NTRK2: variants seen among roughly 807,000 people sequenced by gnomAD.
The protein encoded by NTRK2 is neurotrophic receptor tyrosine kinase 2.
In NTRK2, 13 loss-of-function variants were observed where a neutral mutation model predicts 94.5. The observed-to-expected ratio is 0.14, with a 90% CI of 0.09 to 0.22. NTRK2 has a LOEUF of 0.22. Ranked by LOEUF, NTRK2 falls within the 10% of genes least tolerant of loss-of-function variation. The pLI, the probability that NTRK2 is intolerant of heterozygous loss-of-function variation, is 1.00. For missense variants in NTRK2, 639 were observed against 1,071.2 expected (o/e 0.60, Z 5.63); for synonymous variants, 372 against 407.4 (o/e 0.91, Z 1.05).
In NTRK2 at chr9:84,877,127, A is replaced by T. The variant is rs199664163; in HGVS notation, c.1633+9696A>T. 1.0e-5 allele frequency: 11 copies of T among 1,064,836 alleles called. No homozygotes were observed. In the African/African-American group the frequency reaches 1.8e-4, roughly 17 times the overall value. The allele number at this position is 1,064,836 out of a possible 1,614,324, so 66.0% of individuals were successfully genotyped here. On this transcript the variant is annotated intron_variant, in intron 14 of 18. Transcript: ENST00000277120. The stretch of plus-strand genomic sequence containing the variant: ...TCACACTTTCCTTCTCGGATTGTGT[A>T]TATGCTCTGCCACTTCCTACATATT...
chr9:84,780,071 T>C (rs548005647), intron 12 of NTRK2, among the ~76,000 whole-genome samples: 1 of 152,096 alleles, frequency 6.6e-6, no homozygotes, highest in South Asian at 2.1e-4. Context: ...AAATCTGGTT[T>C]TGATTATTAA....
At chr9:85,015,579 T>A (rs1832128338) in intron 17 of NTRK2, among the ~76,000 whole-genome samples, 1 of 152,214 alleles carries the variant, frequency 6.6e-6, no homozygotes, top group East Asian at 1.9e-4. Flanking sequence ...CCCTGCCTCA[T>A]CCCCCACCAG....
At position 84,794,681 on chromosome 9, in the gene NTRK2, G is replaced by A. The variant is rs533458438; in HGVS notation, c.1396+42596G>A. Among the ~76,000 whole-genome samples the A allele has an allele frequency of 2.6e-5, 4 of 152,286 alleles. No homozygotes were observed. The South Asian group carries it at 8.3e-4, about 32-fold the overall frequency. The stretch of plus-strand genomic sequence containing the variant: ...TTGTCTTTCCTCTGTCACACACAGA[G>A]CTTTATAATTATGGTAGAGGGGCAT... On this transcript the variant is annotated intron_variant, in intron 12 of 18. Transcript: ENST00000277120.
chr9:84,975,078 C>T (rs1034792725), intron 17 of NTRK2, among the ~76,000 whole-genome samples: 2 of 152,092 alleles, frequency 1.3e-5, no homozygotes, highest in Admixed American at 6.6e-5. Flanking sequence ...CGGCACCCTC[C>T]CCCGGGGGAG....
intron 15 of NTRK2, among the ~76,000 whole-genome samples, chr9:84,946,653 C>T (rs2078607849): frequency 6.6e-6 from 1 of 152,084 alleles, no homozygotes; most frequent in African/African-American, 2.4e-5. Flanking sequence ...AGATACTAGC[C>T]AGGTATATTG....
At chr9:84,991,986 CT>C (rs1309511348) in intron 17 of NTRK2, among the ~76,000 whole-genome samples, 4 of 152,162 alleles carry the variant, frequency 2.6e-5, no homozygotes, top group Admixed American at 6.5e-5. Flanking sequence ...GACCTCCTGT[CT>C]TTTGCCTCCC....
At chr9:84,692,472 T>C (rs1429589161) in intron 2 of NTRK2, among the ~76,000 whole-genome samples, 3 of 130,260 alleles carry the variant, frequency 2.3e-5, no homozygotes, top group Non-Finnish European at 4.9e-5. Context: ...TTTTTTCTTT[T>C]TTTTTTTTTT....
At chr9:84,685,230 G>A (rs1203925582) in intron 2 of NTRK2, among the ~76,000 whole-genome samples, 7 of 151,200 alleles carry the variant, frequency 4.6e-5, no homozygotes, top group East Asian at 3.9e-4. Flanking sequence ...TCTTTCCCTC[G>A]CTAATTTAAA....
intron 12 of NTRK2, among the ~76,000 whole-genome samples, chr9:84,825,204 G>C (rs2073109257): frequency 6.6e-6 from 1 of 151,862 alleles, no homozygotes; most frequent in East Asian, 1.9e-4. Context: ...CCCCCACCCT[G>C]TCTACCATCC....
intron 2 of NTRK2, among the ~76,000 whole-genome samples, chr9:84,692,356 T>G (rs1564063760): frequency 6.6e-6 from 1 of 152,206 alleles, no homozygotes; most frequent in Admixed American, 6.5e-5. Flanking sequence ...AGAAGAAGTT[T>G]GCAAAGTTTC....
intron 14 of NTRK2, chr9:84,875,926 G>T (rs771592550): frequency 4.7e-5 from 49 of 1,037,264 alleles, no homozygotes; most frequent in Non-Finnish European, 5.7e-5. Flanking sequence ...AAATGAATAA[G>T]TTCCTGTGAT....
intron 12 of NTRK2, chr9:84,811,299 A>G: frequency 3.8e-6 from 4 of 1,066,066 alleles, no homozygotes; most frequent in Non-Finnish European, 2.3e-6. Flanking sequence ...AACAAAACAA[A>G]CAAATGAAAA....
chr9:84,758,384 AATT>A (rs568926300), intron 12 of NTRK2, among the ~76,000 whole-genome samples: 7 of 150,664 alleles, frequency 4.6e-5, no homozygotes, highest in South Asian at 2.1e-4. Context: ...GTCTTTTTGT[AATT>A]ATTATTATTA....
At chr9:84,763,606 T>C (rs914492915) in intron 12 of NTRK2, among the ~76,000 whole-genome samples, 14 of 152,160 alleles carry the variant, frequency 9.2e-5, no homozygotes, top group Non-Finnish European at 2.1e-4. Context: ...GACAGTATCA[T>C]GTTCCTTCAC....
At chr9:84,750,308 A>C (rs918681577) in intron 11 of NTRK2, among the ~76,000 whole-genome samples, 2 of 152,140 alleles carry the variant, frequency 1.3e-5, no homozygotes, top group Admixed American at 6.5e-5. Context: ...GATCTTGGAC[A>C]AGAAGTGAAG....
chr9:84,896,681 C>T (rs908813962), intron 14 of NTRK2, among the ~76,000 whole-genome samples: 3 of 152,138 alleles, frequency 2.0e-5, no homozygotes, highest in Admixed American at 6.5e-5. Context: ...CTATGGCTTA[C>T]GACTGTACTT....
chr9:84,905,324 A>T (rs1466286704), intron 14 of NTRK2, among the ~76,000 whole-genome samples: 1 of 151,546 alleles, frequency 6.6e-6, no homozygotes, highest in Non-Finnish European at 1.5e-5. Context: ...GAAACCAGGC[A>T]TGTGCAAGGA....
chr9:84,713,768 G>C (rs78904473), intron 6 of NTRK2, among the ~76,000 whole-genome samples: 34 of 152,034 alleles, frequency 2.2e-4, no homozygotes, highest in African/African-American at 8.0e-4. Context: ...AGGTCAGTCT[G>C]TTGCTTGCTC....
intron 12 of NTRK2, among the ~76,000 whole-genome samples, chr9:84,793,094 C>T (rs73474405): frequency 0.018 from 2,684 of 151,930 alleles, 97 homozygotes; most frequent in African/African-American, 0.062. Flanking sequence ...CTGGTGTGTA[C>T]GTGTGTGTTG....
Sources: allele counts gnomAD v4.1 joint callset (sites outside exome capture counted in the v4.1 genomes callset), GRCh38; gene constraint gnomAD v4.1.1; transcripts MANE v1.5; gene names NCBI Gene and HGNC (gene_info 2026-07-23, HGNC 2026-07-21).